TMC5: variants seen among roughly 807,000 people sequenced by gnomAD.
TMC5 encodes the protein transmembrane channel like 5.
A neutral mutation model predicts 110.5 loss-of-function variants in TMC5; 86 were observed. That is an observed-to-expected ratio of 0.78 (90% CI 0.65 to 0.93). The LOEUF (loss-of-function observed/expected upper bound fraction) is 0.93, where lower values mean the gene tolerates loss of function less well. Among genes scored for constraint, TMC5 ranks in the 40% least tolerant of loss-of-function variants. The probability of loss-of-function intolerance (pLI) is 0.00; values close to 1 mark genes in which losing one functional copy is unlikely to be tolerated. For missense variants in TMC5, 1,144 were observed against 1,222.8 expected (o/e 0.94, Z 0.96); for synonymous variants, 455 against 439.5 (o/e 1.04, Z -0.44).
chr16:19,487,246 G>T lies in TMC5; in HGVS notation c.2493G>T (p.Gln831His). Residue 831 changes from glutamine to histidine, a missense_variant, in exon 17 of 22, where the codon CAG becomes CAT. Physicochemically the swap from Gln to His is conservative, Grantham distance 24 (BLOSUM62 0). Transcript: ENST00000542583. ...CGAGCAAAGCCTGGCGGGCCTCACA[G>T]ATGATGACTTTCTTCATCTTCTTGC... ...QPPSKAWRAS[Q>H]MMTFFIFLLF... The T allele has an allele frequency of 6.2e-7, 1 of 1,614,144 alleles. No homozygotes were observed. The highest frequency in any genetic ancestry group is 1.3e-5 in the African/African-American group (1 of 75,054).
At chr16:19,437,190 G>T (rs1244345907) in intron 2 of TMC5, among the ~76,000 whole-genome samples, 1 of 152,046 alleles carries the variant, frequency 6.6e-6, no homozygotes, top group East Asian at 1.9e-4. Context: ...ATAAAATAAA[G>T]TAAAATTTCC....
At chr16:19,491,533 A>ATTTTT (rs71275925) in intron 18 of TMC5, among the ~76,000 whole-genome samples, 1 of 117,852 alleles carries the variant, frequency 8.5e-6, no homozygotes, top group Non-Finnish European at 1.7e-5. Context: ...TGTCTTAGGG[A>ATTTTT]TTTTTTTTTT....
chr16:19,471,353 C>T (rs1305175551), intron 10 of TMC5, among the ~76,000 whole-genome samples: 1 of 152,082 alleles, frequency 6.6e-6, no homozygotes, highest in Non-Finnish European at 1.5e-5. Context: ...GGCCTCCCAA[C>T]ATGCTGGAAA....
chr16:19,413,049 G>T (rs1048045883), upstream of TMC5, among the ~76,000 whole-genome samples: 1 of 151,958 alleles, frequency 6.6e-6, no homozygotes, highest in African/African-American at 2.4e-5. Flanking sequence ...TGGCTGTGTT[G>T]CCCAGGCTGG....
In TMC5 at chr16:19,440,691, C is replaced by G. The variant is rs749835232; in HGVS notation, c.653C>G (p.Pro218Arg). 6.2e-7 allele frequency: 1 copy of G among 1,614,168 alleles called. No individual in the cohort carries two copies. The highest frequency in any genetic ancestry group is 8.5e-7 in the Non-Finnish European group (1 of 1,180,028). Residue 218 changes from proline to arginine, a missense_variant, in exon 3 of 22, where the codon CCC (proline) becomes CGC (arginine). Physicochemically the swap from Pro to Arg is moderately radical, Grantham distance 103 (BLOSUM62 -2). Coordinates refer to ENST00000542583, the MANE Select transcript of TMC5 (RefSeq NM_001261841.2). ...GCTGACATTCAACCTAACTCTCCAC[C>G]CTTTTTTGGGGAGCCAGACTATCCC... ...PGADIQPNSP[P>R]FFGEPDYPSA...
intron 13 of TMC5, among the ~76,000 whole-genome samples, chr16:19,478,728 A>G (rs1204666765): frequency 6.6e-6 from 1 of 152,108 alleles, no homozygotes; most frequent in Admixed American, 6.6e-5. Flanking sequence ...CAATTCATGT[A>G]TTCATCCAGC....
rs766712331 is a variant in TMC5, at chr16:19,494,258, G to A, written c.2827-4G>A. 2.5e-6 allele frequency: 4 copies of A among 1,607,126 alleles called. No homozygotes were observed. The highest frequency in any genetic ancestry group is 2.7e-5 in the African/African-American group (2 of 74,478). ...CTTTCTGGTTTTGTTTTCCTTCTTG[G>A]TAGGAGGGCAAAGATAAAATGTTCC... On this transcript the variant is annotated splice_region_variant and splice_polypyrimidine_tract_variant and intron_variant, in intron 19 of 21. Transcript: ENST00000542583.
Position 19,440,141 on chromosome 16 carries a change from T to C in TMC5, c.103T>C (p.Tyr35His). The C allele has an allele frequency of 6.2e-7, 1 of 1,614,136 alleles. No homozygotes were observed. The highest frequency in any genetic ancestry group is 8.5e-7 in the Non-Finnish European group (1 of 1,180,026). The change falls in exon 3 of 22, where the codon TAT becomes CAT. Residue 35 changes from tyrosine (Y) to histidine (H), a missense_variant. Tyr to His is a moderately conservative substitution (Grantham distance 83, BLOSUM62 2). Coordinates refer to ENST00000542583, the MANE Select transcript of TMC5 (RefSeq NM_001261841.2). ...RTQGYLKTQG[Y>H]PDVPGPLNNP... ...GCAGGGGTATTTGAAAACTCAAGGT[T>C]ATCCAGATGTTCCAGGTCCTCTGAA...
chr16:19,412,727 G>T (rs1966859026), intron 1 of TMC5, among the ~76,000 whole-genome samples: 1 of 152,226 alleles, frequency 6.6e-6, no homozygotes, highest in Non-Finnish European at 1.5e-5. Context: ...CTGGCACTTA[G>T]TAGGTGCTCA....
chr16:19,440,469 G>C lies in TMC5; in HGVS notation c.431G>C (p.Gly144Ala), dbSNP rs779739651. The change falls in exon 3 of 22, where the codon GGA becomes GCA. Residue 144 changes from glycine (G) to alanine (A), a missense_variant. Transcript: ENST00000542583. ...GATTTTGCAGGCTCCAGCAGCAGTGGAAACTATGCAGGCTCCAGAACACAT... is the reference window on the plus strand; with the variant it reads ...GATTTTGCAGGCTCCAGCAGCAGTGCAAACTATGCAGGCTCCAGAACACAT... ...NPDFAGSSSS[G>A]NYAGSRTHPD... is the part of the protein sequence containing the mutation. 2 of 1,614,036 alleles carry C rather than the reference G, an allele frequency of 1.2e-6. No individual in the cohort carries two copies. Among genetic ancestry groups the C allele is most frequent in the East Asian group, 4.5e-5 (2 of 44,874 alleles).
At chr16:19,470,160 C>T (rs1410452470) in intron 10 of TMC5, among the ~76,000 whole-genome samples, 3 of 149,054 alleles carry the variant, frequency 2.0e-5, no homozygotes, top group African/African-American at 5.0e-5. Context: ...TCCCAAAGTG[C>T]TGGGATTACA....
intron 5 of TMC5, among the ~76,000 whole-genome samples, 175 bp downstream of exon 5, chr16:19,449,806 A>G (rs1967706982): frequency 6.6e-6 from 1 of 152,090 alleles, no homozygotes; most frequent in South Asian, 2.1e-4. Context: ...TAAAAGTGAC[A>G]GCTTCCCCTG....
chr16:19,426,560 C>T lies in TMC5; in HGVS notation c.-307-3853C>T, dbSNP rs1967091607. 2.0e-5 allele frequency among the ~76,000 whole-genome samples: 3 copies of T among 152,104 alleles called. 1 individual carries two copies. In the South Asian group the frequency reaches 6.2e-4, roughly 32 times the overall value. On this transcript the variant is annotated intron_variant, in intron 1 of 21. Coordinates refer to ENST00000542583, the MANE Select transcript of TMC5 (RefSeq NM_001261841.2). ...TAGTAGATCTCAGTGGGTGCAAGAG[C>T]CAGGATGTGCACCTTGACTTGTCTC... is the stretch of plus-strand genomic sequence containing the variant.
At chr16:19,413,523 C>CAAAAAAAAAAAAAAAAA (rs869158130), upstream of TMC5, among the ~76,000 whole-genome samples, 1 of 52,966 alleles carries the variant, frequency 1.9e-5, no homozygotes, top group African/African-American at 4.9e-5. Context: ...AACCCTGCCT[C>CAAAAAAAAAAAAAAAAA]AAAAAAAAAA....
intron 4 of TMC5, among the ~76,000 whole-genome samples, chr16:19,446,230 A>G (rs1967612559): frequency 6.6e-6 from 1 of 152,216 alleles, no homozygotes; most frequent in Non-Finnish European, 1.5e-5. Context: ...ATTCCTCCAC[A>G]GGGGCAATAG....
At chr16:19,423,278 T>A (rs1180178473) in intron 1 of TMC5, among the ~76,000 whole-genome samples, 1 of 152,164 alleles carries the variant, frequency 6.6e-6, no homozygotes, top group African/African-American at 2.4e-5. Context: ...GTTAACAGCA[T>A]CCCTGGCCTC....
chr16:19,470,055 C>T (rs1225345871), intron 10 of TMC5, among the ~76,000 whole-genome samples: 4 of 150,238 alleles, frequency 2.7e-5, no homozygotes, highest in East Asian at 2.0e-4. Context: ...CCACCATGCC[C>T]GGCTAATTTT....
chr16:19,488,628 C>T (rs1968810087), intron 17 of TMC5, among the ~76,000 whole-genome samples: 1 of 152,072 alleles, frequency 6.6e-6, no homozygotes, highest in Non-Finnish European at 1.5e-5. Flanking sequence ...TGGCTGCCTC[C>T]TCTCCACCCT....
At chr16:19,456,735 T>A in intron 5 of TMC5, 6 of 1,611,324 alleles carry the variant, frequency 3.7e-6, no homozygotes, top group Non-Finnish European at 5.1e-6. Flanking sequence ...GTGAATGAAA[T>A]CATCATACAG....
Sources: gnomAD v4.1 joint callset for allele counts (sites outside exome capture counted in the v4.1 genomes callset) on GRCh38, gnomAD v4.1.1 for gene constraint, MANE v1.5 for transcripts, NCBI Gene and HGNC (gene_info 2026-07-23, HGNC 2026-07-21) for gene names.